R3HCC1L: variants seen among roughly 807,000 people sequenced by gnomAD.
The protein encoded by R3HCC1L is coiled-coil domain-containing protein R3HCC1L.
R3HCC1L carries 51 observed loss-of-function variants against 59.9 expected under a neutral mutation model. The observed-to-expected ratio is 0.85, with a 90% CI of 0.68 to 1.07. R3HCC1L has a LOEUF of 1.07. Ranked by LOEUF, R3HCC1L falls within the 50% of genes least tolerant of loss-of-function variation. The pLI, the probability that R3HCC1L is intolerant of heterozygous loss-of-function variation, is 0.00. For missense variants in R3HCC1L, 965 were observed against 933.0 expected (o/e 1.03, Z -0.45); for synonymous variants, 322 against 315.2 (o/e 1.02, Z -0.23).
intron 5 of R3HCC1L, among the ~76,000 whole-genome samples, chr10:98,216,092 T>C (rs1854166664): frequency 6.6e-6 from 1 of 152,234 alleles, no homozygotes; most frequent in African/African-American, 2.4e-5. Flanking sequence ...TTTTGTTTTC[T>C]TTTTATAATT....
chr10:98,145,491 AT>A (rs1248787044), intron 1 of R3HCC1L, among the ~76,000 whole-genome samples: 2 of 152,224 alleles, frequency 1.3e-5, no homozygotes, highest in Admixed American at 1.3e-4. Flanking sequence ...GCATTAGGTT[AT>A]TTAAGTGGTA....
intron 9 of R3HCC1L, among the ~76,000 whole-genome samples, 196 bp downstream of exon 9, chr10:98,236,360 G>A (rs1856961076): frequency 6.6e-6 from 1 of 152,180 alleles, no homozygotes; most frequent in South Asian, 2.1e-4. Flanking sequence ...CACGCACCAA[G>A]ACATTCTAAT....
intron 1 of R3HCC1L, among the ~76,000 whole-genome samples, chr10:98,135,847 A>G (rs1450041261): frequency 6.6e-6 from 1 of 152,180 alleles, no homozygotes; most frequent in Non-Finnish European, 1.5e-5. Context: ...TTGTACTACA[A>G]CTAATACCTG....
chr10:98,222,634 T>A (rs1462619189), intron 5 of R3HCC1L, among the ~76,000 whole-genome samples: 1 of 152,198 alleles, frequency 6.6e-6, no homozygotes, highest in Non-Finnish European at 1.5e-5. Context: ...TCTATTGAGA[T>A]AATCATGTGG....
chr10:98,175,017 T>A (rs1018518528), intron 4 of R3HCC1L, among the ~76,000 whole-genome samples: 1 of 152,110 alleles, frequency 6.6e-6, no homozygotes, highest in Non-Finnish European at 1.5e-5. Flanking sequence ...TTCGGTTATA[T>A]ATGGAAGAGA....
At chr10:98,174,244 G>A (rs1330130787) in intron 4 of R3HCC1L, among the ~76,000 whole-genome samples, 1 of 152,088 alleles carries the variant, frequency 6.6e-6, no homozygotes, top group Non-Finnish European at 1.5e-5. Context: ...CATGTGTCGG[G>A]CATTGTATTC....
At chr10:98,182,867 G>C (rs911772145) in intron 4 of R3HCC1L, among the ~76,000 whole-genome samples, 1 of 152,196 alleles carries the variant, frequency 6.6e-6, no homozygotes, top group Non-Finnish European at 1.5e-5. Context: ...ATAATCTCCT[G>C]GTGTGCCGTT....
chr10:98,143,821 A>G (rs1324963993), intron 1 of R3HCC1L, among the ~76,000 whole-genome samples: 1 of 152,200 alleles, frequency 6.6e-6, no homozygotes, highest in African/African-American at 2.4e-5. Context: ...TTGTAATTAA[A>G]CATATTAATA....
At chr10:98,211,600 A>G (rs1590731988) in intron 5 of R3HCC1L, among the ~76,000 whole-genome samples, 2 of 152,204 alleles carry the variant, frequency 1.3e-5, no homozygotes, top group East Asian at 1.9e-4. Context: ...GAGAGAGCAC[A>G]TGAACATGGA....
At chr10:98,221,180 T>C (rs1854892717) in intron 5 of R3HCC1L, among the ~76,000 whole-genome samples, 1 of 151,636 alleles carries the variant, frequency 6.6e-6, no homozygotes, top group Non-Finnish European at 1.5e-5. Context: ...ATGTCTTCTT[T>C]TGAGAAGTGT....
At chr10:98,187,772 T>A (rs951393307) in intron 4 of R3HCC1L, among the ~76,000 whole-genome samples, 1 of 150,506 alleles carries the variant, frequency 6.6e-6, no homozygotes, top group East Asian at 1.9e-4. Flanking sequence ...GGTCTTGTTC[T>A]GTTCTCCAGG....
chr10:98,177,321 G>A (rs1234183741), intron 4 of R3HCC1L, among the ~76,000 whole-genome samples: 1 of 152,060 alleles, frequency 6.6e-6, no homozygotes, highest in Non-Finnish European at 1.5e-5. Flanking sequence ...CAGAATGATG[G>A]TTTCCAGCTT....
chr10:98,235,079 CT>C (rs1856779018), intron 7 of R3HCC1L, among the ~76,000 whole-genome samples: 1 of 152,110 alleles, frequency 6.6e-6, no homozygotes, highest in Non-Finnish European at 1.5e-5. Context: ...ATATTTTAGG[CT>C]TTGTGGAGCA....
Position 98,244,325 on chromosome 10 carries a change from T to G in R3HCC1L, c.*167T>G. 1.7e-6 allele frequency: 1 copy of G among 597,166 alleles called. No homozygotes were observed. The highest frequency in any genetic ancestry group is 2.9e-6 in the Non-Finnish European group (1 of 345,596). 37.0% of individuals were successfully genotyped at this position (597,166 alleles called of 1,614,324 possible). ...TATAGAAGGAAGACAGACTCCTGTC[T>G]TCACTCCTAAATGCAGTTCTTTGGA... is the stretch of plus-strand genomic sequence containing the variant. On this transcript the variant is annotated 3_prime_UTR_variant, in exon 10 of 10. Coordinates refer to ENST00000298999, the MANE Select transcript of R3HCC1L (RefSeq NM_001351015.2).
At chr10:98,177,964 C>T (rs1475091794) in intron 4 of R3HCC1L, among the ~76,000 whole-genome samples, 2 of 152,136 alleles carry the variant, frequency 1.3e-5, no homozygotes, top group Admixed American at 6.5e-5. Flanking sequence ...AGCCCTTTGT[C>T]AGATGAGTAG....
chr10:98,135,507 T>A (rs1844474529), intron 1 of R3HCC1L, among the ~76,000 whole-genome samples: 1 of 152,226 alleles, frequency 6.6e-6, no homozygotes, highest in African/African-American at 2.4e-5. Context: ...GGGTATAACC[T>A]TGCCATCCCC....
chr10:98,204,823 A>G (rs571942196), intron 4 of R3HCC1L, among the ~76,000 whole-genome samples: 1 of 152,316 alleles, frequency 6.6e-6, no homozygotes, highest in African/African-American at 2.4e-5. Flanking sequence ...TATCATAGGT[A>G]TGTATGTGTA....
chr10:98,221,575 C>T (rs1854965821), intron 5 of R3HCC1L, among the ~76,000 whole-genome samples: 1 of 150,726 alleles, frequency 6.6e-6, no homozygotes, highest in African/African-American at 2.4e-5. Flanking sequence ...AGGAAGGGAT[C>T]CAGTTTCAGC....
In R3HCC1L at chr10:98,207,596, T is replaced by C. The variant is rs1011038161; in HGVS notation, c.-14-505T>C. 2.0e-5 allele frequency among the ~76,000 whole-genome samples: 3 copies of C among 152,146 alleles called. No individual in the cohort carries two copies. The South Asian group carries it at 6.2e-4, about 31-fold the overall frequency. On this transcript the variant is annotated intron_variant, in intron 4 of 9. Coordinates refer to ENST00000298999, the MANE Select transcript of R3HCC1L (RefSeq NM_001351015.2). Reference sequence around the variant, plus strand: ...ATCTTAGATCAAAAGCAGCATCTTCTAGAAAGCATTCTCTGATAAGTCATT... The same window carrying C: ...ATCTTAGATCAAAAGCAGCATCTTCCAGAAAGCATTCTCTGATAAGTCATT...
Sources: gnomAD v4.1 joint callset for allele counts (sites outside exome capture counted in the v4.1 genomes callset) on GRCh38, gnomAD v4.1.1 for gene constraint, MANE v1.5 for transcripts, NCBI Gene and HGNC (gene_info 2026-07-23, HGNC 2026-07-21) for gene names.